The following TIPARP variants were observed in gnomAD, a reference collection of about 807,000 sequenced individuals.
The protein encoded by TIPARP is protein mono-ADP-ribosyltransferase TIPARP.
TIPARP carries 12 observed loss-of-function variants against 56.5 expected under a neutral mutation model. That is an observed-to-expected ratio of 0.21 (90% CI 0.14 to 0.34). The LOEUF is 0.34. Ranked by LOEUF, TIPARP falls within the 10% of genes least tolerant of loss-of-function variation. The probability of loss-of-function intolerance (pLI) is 1.00; values close to 1 mark genes in which losing one functional copy is unlikely to be tolerated. For missense variants in TIPARP, 604 were observed against 781.6 expected, an observed-to-expected ratio of 0.77 and a Z score of 2.71; for synonymous variants, 296 against 265.7, an observed-to-expected ratio of 1.11 and a Z score of -1.11.
chr3:156,678,799 C>T (rs907813378), intron 2 of TIPARP, among the ~76,000 whole-genome samples, 185 bp downstream of exon 2: 26 of 152,164 alleles, frequency 1.7e-4, no homozygotes, highest in Non-Finnish European at 2.9e-4. Flanking sequence ...CTCAACCGGA[C>T]AATGAAAGTT....
chr3:156,683,251 T>TA (rs1440766870), intron 2 of TIPARP, among the ~76,000 whole-genome samples: 1 of 152,180 alleles, frequency 6.6e-6, no homozygotes. Flanking sequence ...TGATACATTA[T>TA]ATATTTTATC....
Position 156,677,901 on chromosome 3 carries a change from A to T in TIPARP, c.204A>T (p.Ser68=). Residue 68 remains serine, a synonymous_variant, in exon 2 of 6, where the codon TCA becomes TCT. Coordinates refer to ENST00000295924, the MANE Select transcript of TIPARP (RefSeq NM_015508.5). Reference sequence around the variant, plus strand: ...TAAACACTCTTCTAGAATCTGGCTCACTTGATGGGGTTTTTAGATCTAGGA... The same window carrying T: ...TAAACACTCTTCTAGAATCTGGCTCTCTTGATGGGGTTTTTAGATCTAGGA... ...PILNTLLESG[S]LDGVFRSRNQ... is the part of the protein sequence containing the mutation. 1 of 1,614,126 alleles carries T rather than the reference A, an allele frequency of 6.2e-7. No individual in the cohort carries two copies. Among genetic ancestry groups the T allele is most frequent in the Non-Finnish European group, 8.5e-7 (1 of 1,180,008 alleles).
rs1207242401 is a variant in TIPARP at position 156,706,713 on chromosome 3, CAT to C, written c.*1585_*1586del. On this transcript the variant is annotated 3_prime_UTR_variant, in exon 6 of 6. Coordinates refer to ENST00000295924, the MANE Select transcript of TIPARP (RefSeq NM_015508.5). ...CCTAAGGAAAAAGAAAGCTTTATGACATATTTATTTTTTTAATAAAACTAAGC... is the reference window on the plus strand; with the variant it reads ...CCTAAGGAAAAAGAAAGCTTTATGACATTTATTTTTTTAATAAAACTAAGC... 3 of 152,522 alleles carry C rather than the reference CAT, an allele frequency of 2.0e-5. No homozygotes were observed. Among genetic ancestry groups the C allele is most frequent in the African/African-American group, 7.2e-5 (3 of 41,410 alleles). 9.4% of individuals were successfully genotyped at this position (152,522 alleles called of 1,614,324 possible).
intron 4 of TIPARP, 88 bp downstream of exon 4, chr3:156,696,113 C>A: frequency 1.4e-6 from 2 of 1,453,364 alleles, no homozygotes; most frequent in East Asian, 2.4e-5. Flanking sequence ...AAATAAGAGT[C>A]TACCTTGGTT....
At chr3:156,695,841 T>TTTTTTTTTTTTTTTTTTCTTTC in intron 3 of TIPARP, 24 bp from the exon 4 acceptor site, 1 of 1,385,862 alleles carries the variant, frequency 7.2e-7, no homozygotes, top group Non-Finnish European at 9.4e-7. Flanking sequence ...TTTTTTTTTT[T>TTTTTTTTTTTTTTTTTTCTTTC]TTGTTCTGTT....
intron 2 of TIPARP, among the ~76,000 whole-genome samples, chr3:156,687,200 A>G (rs1000921407): frequency 3.3e-5 from 5 of 152,210 alleles, no homozygotes; most frequent in African/African-American, 1.2e-4. Flanking sequence ...AGTATGTCTC[A>G]TTTATAGTGC....
rs192449724 is a variant in TIPARP, at chr3:156,698,713, C to T, written c.1247+2688C>T. ...GTTTTCATGCCTGCTATACAACATC[C>T]ATTCTGCAGCCCACTTATCAAGTAG... is the stretch of plus-strand genomic sequence containing the variant. On this transcript the variant is annotated intron_variant, in intron 4 of 5. Coordinates refer to ENST00000295924, the MANE Select transcript of TIPARP (RefSeq NM_015508.5). Among the ~76,000 whole-genome samples the T allele has an allele frequency of 5.3e-5, 8 of 152,322 alleles. No individual in the cohort carries two copies. In the East Asian group the frequency reaches 1.2e-3, roughly 22 times the overall value.
intron 2 of TIPARP, among the ~76,000 whole-genome samples, chr3:156,683,763 G>A (rs370804045): frequency 1.1e-4 from 16 of 152,212 alleles, no homozygotes; most frequent in African/African-American, 2.9e-4. Context: ...TTTTATTCTG[G>A]GTTTGGGTGC....
At chr3:156,696,759 C>T (rs893814267) in intron 4 of TIPARP, among the ~76,000 whole-genome samples, 1 of 152,170 alleles carries the variant, frequency 6.6e-6, no homozygotes, top group African/African-American at 2.4e-5. Flanking sequence ...CTAGGGAAAT[C>T]ATTATCTACT....
intron 1 of TIPARP, among the ~76,000 whole-genome samples, chr3:156,676,038 A>G (rs184658557): frequency 1.9e-4 from 29 of 152,236 alleles, no homozygotes; most frequent in Admixed American, 1.4e-3. Context: ...TTTAGTGTCT[A>G]TTTTACCTTG....
In TIPARP at chr3:156,682,833, T is replaced by C. The variant is rs1722339748; in HGVS notation, c.917+4219T>C. On this transcript the variant is annotated intron_variant, in intron 2 of 5. Coordinates refer to ENST00000295924, the MANE Select transcript of TIPARP (RefSeq NM_015508.5). ...AATTTCTGCCTAAGAGAAAGACAGC[T>C]CCATAAGCAAGAACTGTGTTTGAAG... Among the ~76,000 whole-genome samples, 3 of 152,210 alleles carry C rather than the reference T, an allele frequency of 2.0e-5. No individual in the cohort carries two copies. The South Asian group carries it at 6.2e-4, about 31-fold the overall frequency.
intron 1 of TIPARP, 136 bp from the exon 2 acceptor site, chr3:156,677,521 C>T (rs1407924522): frequency 5.1e-6 from 3 of 584,622 alleles, no homozygotes; most frequent in Non-Finnish European, 8.2e-6. Context: ...TTAAAATTGA[C>T]TTGTAAAAAC....
chr3:156,684,453 T>C (rs1396972934), intron 2 of TIPARP, among the ~76,000 whole-genome samples: 3 of 152,184 alleles, frequency 2.0e-5, no homozygotes, highest in Non-Finnish European at 4.4e-5. Context: ...GTGAAGGAAT[T>C]CCTTTTTTTT....
At chr3:156,693,169 AAAGAGAG>A (rs1446105683) in intron 2 of TIPARP, among the ~76,000 whole-genome samples, 57 of 152,200 alleles carry the variant, frequency 3.7e-4, no homozygotes, top group African/African-American at 1.3e-3. Flanking sequence ...ACAAAAAAGA[AAAGAGAG>A]AAGAGTATAA....
rs965804533 is a variant in TIPARP at position 156,706,453 on chromosome 3, G to C, written c.*1322G>C. ...TGTTTAAGCAAGATGTATCTGTACT[G>C]ATGTCTCAGTGAATCAGTCTGTTTA... is the stretch of plus-strand genomic sequence containing the variant. On this transcript the variant is annotated 3_prime_UTR_variant, in exon 6 of 6. Coordinates refer to ENST00000295924, the MANE Select transcript of TIPARP (RefSeq NM_015508.5). The C allele has an allele frequency of 6.6e-6, 1 of 152,636 alleles. No homozygotes were observed. Among genetic ancestry groups the C allele is most frequent in the Admixed American group, 6.5e-5 (1 of 15,288 alleles). The allele number at this position is 152,636 out of a possible 1,614,324, so 9.5% of individuals were successfully genotyped here.
intron 4 of TIPARP, among the ~76,000 whole-genome samples, chr3:156,697,846 C>T (rs1722755936): frequency 6.6e-6 from 1 of 152,132 alleles, no homozygotes; most frequent in Non-Finnish European, 1.5e-5. Flanking sequence ...ATCTCTAAGT[C>T]AAAAGCCAGA....
At chr3:156,687,097 A>G (rs1722449506) in intron 2 of TIPARP, among the ~76,000 whole-genome samples, 1 of 152,228 alleles carries the variant, frequency 6.6e-6, no homozygotes, top group African/African-American at 2.4e-5. Context: ...AGTATAAGGC[A>G]TGCTACCAAT....
At chr3:156,692,525 C>G (rs1349690654) in intron 2 of TIPARP, among the ~76,000 whole-genome samples, 1 of 151,830 alleles carries the variant, frequency 6.6e-6, no homozygotes, top group Non-Finnish European at 1.5e-5. Context: ...TTTTTGAGAC[C>G]ATATCCAACT....
intron 5 of TIPARP, among the ~76,000 whole-genome samples, 173 bp downstream of exon 5, chr3:156,703,875 T>C (rs566720979): frequency 6.6e-6 from 1 of 152,078 alleles, no homozygotes; most frequent in South Asian, 2.1e-4. Context: ...TAGCTGGGCG[T>C]GGTGGCGGGC....
Sources: gnomAD v4.1 joint callset for allele counts (sites outside exome capture counted in the v4.1 genomes callset) on GRCh38, gnomAD v4.1.1 for gene constraint, MANE v1.5 for transcripts, NCBI Gene and HGNC (gene_info 2026-07-23, HGNC 2026-07-21) for gene names.